The following TXNL4A variants were observed in gnomAD, a reference collection of about 807,000 sequenced individuals.
The protein encoded by TXNL4A is thioredoxin like 4A, also known as thioredoxin-like protein 4A.
Under a neutral mutation model 14.6 loss-of-function variants are expected in TXNL4A, and 17 were observed. That is an observed-to-expected ratio of 1.16 (90% CI 0.80 to 1.74). The LOEUF (loss-of-function observed/expected upper bound fraction) is 1.74, where lower values mean the gene tolerates loss of function less well. Among genes scored for constraint, TXNL4A ranks in the 40% most tolerant of loss-of-function variants. The pLI is 0.00. For synonymous variants in TXNL4A, 83 were observed against 70.6 expected, an observed-to-expected ratio of 1.18 and a Z score of -0.88; for missense variants, 74 against 195.2, an observed-to-expected ratio of 0.38 and a Z score of 3.70.
At chr18:79,999,960 T>A (rs981999215) in intron 1 of TXNL4A, among the ~76,000 whole-genome samples, 4 of 152,218 alleles carry the variant, frequency 2.6e-5, no homozygotes, top group Admixed American at 6.5e-5. Flanking sequence ...AAGATATGCC[T>A]TTCCCCTTCC....
chr18:79,980,650 C>T (rs564578803), intron 1 of TXNL4A, among the ~76,000 whole-genome samples: 99 of 152,322 alleles, frequency 6.5e-4, no homozygotes, highest in Non-Finnish European at 1.3e-3. Flanking sequence ...AAAGACTCCA[C>T]TGCCCTTCAG....
intron 1 of TXNL4A, among the ~76,000 whole-genome samples, chr18:79,986,075 T>A (rs1004506813): frequency 6.6e-6 from 1 of 151,886 alleles, no homozygotes; most frequent in African/African-American, 2.4e-5. Context: ...GTCTCACTCC[T>A]GTTGCCCAGG....
chr18:79,988,300 G>A lies in TXNL4A; in HGVS notation c.93C>T (p.Gly31=), dbSNP rs779567885. The change falls in exon 1 of 3, where the codon GGC becomes GGT. Residue 31 remains glycine, a synonymous_variant. Coordinates refer to ENST00000269601, the MANE Select transcript of TXNL4A (RefSeq NM_006701.5). Reference sequence around the variant, plus strand: ...TCATGCACGTAGGATCCCAGTCGTGGCCGAAGCGGATGACGACCACGCGGT... The same window carrying A: ...TCATGCACGTAGGATCCCAGTCGTGACCGAAGCGGATGACGACCACGCGGT... The part of the protein sequence containing the change: ...EEDRVVVIRF[G]HDWDPTCMKM... 1.5e-5 allele frequency: 24 copies of A among 1,604,604 alleles called. 1 individual carries two copies. The East Asian group carries it at 4.9e-4, about 33-fold the overall frequency.
intron 1 of TXNL4A, among the ~76,000 whole-genome samples, chr18:79,981,793 C>G (rs947184449): frequency 6.6e-6 from 1 of 152,258 alleles, no homozygotes; most frequent in African/African-American, 2.4e-5. Flanking sequence ...AGAATTCTAA[C>G]AGAGGCAAAC....
rs192430855 is a variant in TXNL4A, at chr18:79,986,457, A to G, written c.153+1783T>C. The G allele has an allele frequency of 6.9e-5, 46 of 665,104 alleles. No individual in the cohort carries two copies. The African/African-American group carries it at 8.2e-4, about 12-fold the overall frequency. 41.2% of individuals were successfully genotyped at this position (665,104 alleles called of 1,614,324 possible). A position where few individuals can be genotyped will look rare whatever the true frequency, so the allele number is the denominator to read the frequency against. On this transcript the variant is annotated intron_variant, in intron 1 of 2. Transcript: ENST00000269601. ...TTTAAAAGACCAAAAAAAATACCCCAAAGTGAGCCCATTTCAACTGTCCTT... is the reference window on the plus strand; with the variant it reads ...TTTAAAAGACCAAAAAAAATACCCCGAAGTGAGCCCATTTCAACTGTCCTT...
intron 1 of TXNL4A, among the ~76,000 whole-genome samples, chr18:80,007,449 A>G (rs1293711345): frequency 3.3e-5 from 5 of 152,198 alleles, no homozygotes; most frequent in Non-Finnish European, 7.3e-5. Flanking sequence ...GAGTTTCACA[A>G]TGTTCTTCCA....
At chr18:80,013,124 T>A (rs1227052013) in intron 1 of TXNL4A, among the ~76,000 whole-genome samples, 1 of 99,108 alleles carries the variant, frequency 1.0e-5, no homozygotes, top group African/African-American at 3.3e-5. Flanking sequence ...AAAAAAAAAT[T>A]TTTTTTTTTT....
chr18:79,976,928 G>A (rs920787187), intron 2 of TXNL4A: 6 of 358,476 alleles, frequency 1.7e-5, no homozygotes, highest in Admixed American at 3.9e-5. Flanking sequence ...AAAGGACACC[G>A]AAGTTGATGA....
In TXNL4A at chr18:79,971,035, C is replaced by A. The variant is rs570189482; in HGVS notation, c.*2650G>T. ...AGCTGTCACCTCCTATTTCCCCCTC[C>A]CTCCCAGTCTTAAGCAACCACTAAT... is the stretch of plus-strand genomic sequence containing the variant. On this transcript the variant is annotated 3_prime_UTR_variant, in exon 3 of 3. Coordinates refer to ENST00000269601, the MANE Select transcript of TXNL4A (RefSeq NM_006701.5). 1 of 154,474 alleles carries A rather than the reference C, an allele frequency of 6.5e-6. No homozygotes were observed. The highest frequency in any genetic ancestry group is 2.0e-4 in the South Asian group (1 of 4,974). 9.6% of individuals were successfully genotyped at this position (154,474 alleles called of 1,614,324 possible). A position where few individuals can be genotyped will look rare whatever the true frequency, so the allele number is the denominator to read the frequency against.
At chr18:79,975,845 A>G (rs1350791215) in intron 2 of TXNL4A, among the ~76,000 whole-genome samples, 1 of 152,200 alleles carries the variant, frequency 6.6e-6, no homozygotes, top group African/African-American at 2.4e-5. Context: ...GCTGCCTTCA[A>G]GAGAGGAAAG....
chr18:79,998,017 G>C (rs1484132002), intron 1 of TXNL4A, among the ~76,000 whole-genome samples: 1 of 152,214 alleles, frequency 6.6e-6, no homozygotes. Context: ...CCAGTGGACA[G>C]GCCCGGTGGC....
At chr18:80,032,687 A>G (rs1599761022) in intron 1 of TXNL4A, among the ~76,000 whole-genome samples, 1 of 152,168 alleles carries the variant, frequency 6.6e-6, no homozygotes, top group Non-Finnish European at 1.5e-5. Flanking sequence ...TAAAAATACA[A>G]AAAGTAGCTG....
rs186520485 is a variant in TXNL4A at position 79,985,473 on chromosome 18, G to A, written c.153+2767C>T. 3.0e-4 allele frequency among the ~76,000 whole-genome samples: 45 copies of A among 151,830 alleles called. 1 individual carries two copies. In the East Asian group the frequency reaches 8.5e-3, roughly 29 times the overall value. Reference sequence around the variant, plus strand: ...TCACCATGTTGCCCGGGCTGTTCTCGAACTCCTGGGCTCAAGGGAACCACC... The same window carrying A: ...TCACCATGTTGCCCGGGCTGTTCTCAAACTCCTGGGCTCAAGGGAACCACC... On this transcript the variant is annotated intron_variant, in intron 1 of 2. Coordinates refer to ENST00000269601, the MANE Select transcript of TXNL4A (RefSeq NM_006701.5).
intron 1 of TXNL4A, among the ~76,000 whole-genome samples, chr18:80,015,280 C>T (rs540891503): frequency 1.2e-3 from 183 of 152,136 alleles, no homozygotes; most frequent in Non-Finnish European, 1.8e-3. Flanking sequence ...TTCTTTTCTA[C>T]TTCATTGATC....
chr18:79,976,289 A>C (rs2051378308), intron 2 of TXNL4A, among the ~76,000 whole-genome samples: 1 of 152,246 alleles, frequency 6.6e-6, no homozygotes, highest in Admixed American at 6.5e-5. Context: ...GGGCAAGTCT[A>C]ATCTTATCAC....
At chr18:80,025,492 C>CA (rs1399706888) in intron 1 of TXNL4A, among the ~76,000 whole-genome samples, 3 of 152,244 alleles carry the variant, frequency 2.0e-5, no homozygotes, top group Non-Finnish European at 2.9e-5. Flanking sequence ...CCGACAGCCC[C>CA]AATGGCAGCG....
At chr18:79,998,676 C>T (rs2051678538) in intron 1 of TXNL4A, among the ~76,000 whole-genome samples, 1 of 149,176 alleles carries the variant, frequency 6.7e-6, no homozygotes, top group South Asian at 2.2e-4. Context: ...TATGGGTTCC[C>T]CCCTTACCAT....
At chr18:80,028,872 C>A (rs1304169380) in intron 1 of TXNL4A, among the ~76,000 whole-genome samples, 1 of 152,194 alleles carries the variant, frequency 6.6e-6, no homozygotes, top group Admixed American at 6.5e-5. Context: ...CTGTTAGAAG[C>A]TATTCTAAAA....
chr18:79,988,403 G>A lies in TXNL4A; in HGVS notation c.-11C>T. 2 of 1,441,030 alleles carry A rather than the reference G, an allele frequency of 1.4e-6. No individual in the cohort carries two copies. The highest frequency in any genetic ancestry group is 1.9e-6 in the Non-Finnish European group (2 of 1,077,426). 89.3% of individuals were successfully genotyped at this position (1,441,030 alleles called of 1,614,324 possible). A position where few individuals can be genotyped will look rare whatever the true frequency, so the allele number is the denominator to read the frequency against. Reference sequence around the variant, plus strand: ...GAGCATGTACGACATGGCGGCCCGCGCGCTCGCCGCCGCCCAAGGCGGGGC... The same window carrying A: ...GAGCATGTACGACATGGCGGCCCGCACGCTCGCCGCCGCCCAAGGCGGGGC... On this transcript the variant is annotated 5_prime_UTR_variant, in exon 1 of 3. Coordinates refer to ENST00000269601, the MANE Select transcript of TXNL4A (RefSeq NM_006701.5).
Sources: allele counts gnomAD v4.1 joint callset (sites outside exome capture counted in the v4.1 genomes callset), GRCh38; gene constraint gnomAD v4.1.1; transcripts MANE v1.5; gene names NCBI Gene and HGNC (gene_info 2026-07-23, HGNC 2026-07-21).